PRELID2: variants seen among roughly 807,000 people sequenced by gnomAD.
PRELID2 encodes the protein PRELI domain-containing protein 2.
Under a neutral mutation model 28.4 loss-of-function variants are expected in PRELID2, and 25 were observed. The ratio of observed to expected loss-of-function variants is 0.88; its 90% CI spans 0.64 to 1.23. The LOEUF (loss-of-function observed/expected upper bound fraction) is 1.23, where lower values mean the gene tolerates loss of function less well. PRELID2 is among the 50% of genes most tolerant of loss of function. The pLI is 0.00. For synonymous variants in PRELID2, 76 were observed against 71.6 expected (o/e 1.06, Z -0.31); for missense variants, 201 against 214.4 (o/e 0.94, Z 0.39).
the PRELID2 span, among the ~76,000 whole-genome samples, chr5:145,259,074 C>G: frequency 6.6e-6 from 1 of 152,148 alleles, no homozygotes; most frequent in South Asian, 2.1e-4. Flanking sequence ...GCAGCTTCCA[C>G]GTGGTATTAA....
intron 1 of PRELID2, among the ~76,000 whole-genome samples, chr5:145,739,829 T>A (rs1216924109): frequency 4.6e-5 from 7 of 151,814 alleles, no homozygotes; most frequent in South Asian, 2.1e-4. Context: ...CTAATTTTTT[T>A]AAAAAACTGT....
chr5:145,718,839 A>G (rs897569867), intron 1 of PRELID2, among the ~76,000 whole-genome samples: 4 of 152,100 alleles, frequency 2.6e-5, no homozygotes, highest in African/African-American at 9.6e-5. Flanking sequence ...TTCCTCCATA[A>G]TATTACATGA....
At chr5:145,638,162 T>A (rs1401072918) in intron 1 of PRELID2, among the ~76,000 whole-genome samples, 1 of 152,214 alleles carries the variant, frequency 6.6e-6, no homozygotes, top group East Asian at 1.9e-4. Context: ...GCTAGTACTA[T>A]TATTGATATT....
At chr5:145,547,984 A>G (rs1032853233) in intron 1 of PRELID2, among the ~76,000 whole-genome samples, 2 of 152,186 alleles carry the variant, frequency 1.3e-5, no homozygotes, top group Admixed American at 6.5e-5. Flanking sequence ...GAAAATGCCT[A>G]TCAAATTGAC....
the PRELID2 span, among the ~76,000 whole-genome samples, chr5:145,288,969 T>C: frequency 1.3e-5 from 2 of 152,296 alleles, no homozygotes; most frequent in African/African-American, 4.8e-5. Context: ...TAAATTACAG[T>C]GCTTTTGTGG....
At chr5:145,276,829 T>C in the PRELID2 span, among the ~76,000 whole-genome samples, 2 of 152,174 alleles carry the variant, frequency 1.3e-5, no homozygotes, top group East Asian at 1.9e-4. Flanking sequence ...ACTCAATAAA[T>C]ATTTGTTGAA....
the PRELID2 span, among the ~76,000 whole-genome samples, chr5:145,298,506 T>TA: frequency 3.9e-5 from 6 of 152,162 alleles, no homozygotes; most frequent in Non-Finnish European, 7.3e-5. Flanking sequence ...GTAGCAGTTT[T>TA]AAGAGGAGGG....
intron 5 of PRELID2, among the ~76,000 whole-genome samples, chr5:145,774,674 C>T (rs1758306937): frequency 6.6e-6 from 1 of 152,216 alleles, no homozygotes; most frequent in African/African-American, 2.4e-5. Flanking sequence ...CTTCACATCA[C>T]CTCTAAGAGT....
intron 1 of PRELID2, among the ~76,000 whole-genome samples, chr5:145,612,626 C>A (rs180687552): frequency 9.9e-5 from 15 of 152,246 alleles, no homozygotes; most frequent in Non-Finnish European, 1.3e-4. Flanking sequence ...ACCCTTCCCC[C>A]CAAGCCCCCA....
At chr5:145,416,537 C>A in the PRELID2 span, among the ~76,000 whole-genome samples, 75 of 152,050 alleles carry the variant, frequency 4.9e-4, no homozygotes, top group African/African-American at 1.7e-3. Context: ...GGGCAAATAT[C>A]CTGAATGACT....
intron 5 of PRELID2, among the ~76,000 whole-genome samples, chr5:145,776,381 T>G (rs566261550): frequency 6.6e-6 from 1 of 152,262 alleles, no homozygotes; most frequent in South Asian, 2.1e-4. Flanking sequence ...AGTGCAAAAG[T>G]AGTGATGCTG....
intron 1 of PRELID2, among the ~76,000 whole-genome samples, chr5:145,633,683 C>A (rs1753963136): frequency 6.6e-6 from 1 of 152,176 alleles, no homozygotes; most frequent in Non-Finnish European, 1.5e-5. Context: ...AAAAATTTCA[C>A]AAGTGCACTC....
intron 5 of PRELID2, among the ~76,000 whole-genome samples, chr5:145,773,739 C>T (rs1409031497): frequency 1.3e-5 from 2 of 152,206 alleles, no homozygotes; most frequent in Admixed American, 6.5e-5. Context: ...CCTTTATCAG[C>T]CATTTTTTCA....
chr5:145,743,630 G>A (rs776799051), intron 1 of PRELID2, among the ~76,000 whole-genome samples: 4 of 152,122 alleles, frequency 2.6e-5, no homozygotes, highest in Non-Finnish European at 5.9e-5. Flanking sequence ...GGTAGTGAGT[G>A]AGCGTGCTAC....
At chr5:145,675,171 G>C (rs1351323065) in intron 1 of PRELID2, among the ~76,000 whole-genome samples, 1 of 151,960 alleles carries the variant, frequency 6.6e-6, no homozygotes, top group Non-Finnish European at 1.5e-5. Flanking sequence ...CAGGAATAAT[G>C]AGTTAATATT....
intron 1 of PRELID2, among the ~76,000 whole-genome samples, chr5:145,636,916 C>T (rs1754010662): frequency 6.6e-6 from 1 of 152,096 alleles, no homozygotes; most frequent in South Asian, 2.1e-4. Context: ...TCTCCCTTTC[C>T]AGGCTATTTC....
intron 5 of PRELID2, among the ~76,000 whole-genome samples, chr5:145,776,573 T>C (rs1417002486): frequency 6.6e-6 from 1 of 152,246 alleles, no homozygotes; most frequent in Non-Finnish European, 1.5e-5. Context: ...ACATAGTGTA[T>C]GTAGAGTTCC....
chr5:145,303,227 G>C, the PRELID2 span, among the ~76,000 whole-genome samples: 2 of 152,146 alleles, frequency 1.3e-5, no homozygotes, highest in Admixed American at 1.3e-4. Context: ...TTGGTTTAGA[G>C]ATAGCGCTGG....
At chr5:145,761,584 C>CA (rs1463917900) in intron 6 of PRELID2, among the ~76,000 whole-genome samples, 1 of 152,198 alleles carries the variant, frequency 6.6e-6, no homozygotes, top group Non-Finnish European at 1.5e-5. Flanking sequence ...TTAGGACACT[C>CA]AATCAGTAGG....
Sources: allele counts gnomAD v4.1 joint callset (sites outside exome capture counted in the v4.1 genomes callset), GRCh38; gene constraint gnomAD v4.1.1; transcripts MANE v1.5; gene names NCBI Gene and HGNC (gene_info 2026-07-23, HGNC 2026-07-21).